The following POLD3 variants were observed in gnomAD, a reference collection of about 807,000 sequenced individuals.
POLD3 encodes DNA polymerase delta subunit 3.
In POLD3, 19 loss-of-function variants were observed where a neutral mutation model predicts 58.2. That is an observed-to-expected ratio of 0.33 (90% CI 0.23 to 0.48). The LOEUF is 0.48. Ranked by LOEUF, POLD3 falls within the 20% of genes least tolerant of loss-of-function variation. The pLI, the probability that POLD3 is intolerant of heterozygous loss-of-function variation, is 0.99. For synonymous variants in POLD3, 172 were observed against 193.5 expected, an observed-to-expected ratio of 0.89 and a Z score of 0.92; for missense variants, 504 against 545.5, an observed-to-expected ratio of 0.92 and a Z score of 0.76.
intron 5 of POLD3, among the ~76,000 whole-genome samples, chr11:74,617,591 G>A (rs528055169): frequency 8.5e-5 from 13 of 152,218 alleles, no homozygotes; most frequent in African/African-American, 2.9e-4. Flanking sequence ...CAGTAGAGAC[G>A]GGGTTTCACC....
At chr11:74,611,589 G>A (rs772795952) in intron 4 of POLD3, 51 bp downstream of exon 4, 1 of 1,019,750 alleles carries the variant, frequency 9.8e-7, no homozygotes, top group Non-Finnish European at 1.5e-6. Context: ...CATCAGTGTA[G>A]GTGCAATAAA....
At chr11:74,613,046 G>A (rs199613234) in intron 5 of POLD3, 36 bp downstream of exon 5, 24 of 1,582,310 alleles carry the variant, frequency 1.5e-5, no homozygotes, top group East Asian at 2.2e-5. Flanking sequence ...GCTTCTTTAC[G>A]AATTGATTTT....
exon 5 of POLD3, chr11:74,668,794 T>C (rs766881539): frequency 7.8e-7 from 1 of 1,288,234 alleles, no homozygotes. Flanking sequence ...GGACATGCAG[T>C]CCCACTCACT....
intron 9 of POLD3, among the ~76,000 whole-genome samples, chr11:74,630,871 C>T (rs2135169151): frequency 6.6e-6 from 1 of 152,174 alleles, no homozygotes; most frequent in East Asian, 1.9e-4. Context: ...TGAAATATTC[C>T]CTATAGTTCT....
At chr11:74,617,074 T>G (rs2032101955) in intron 5 of POLD3, among the ~76,000 whole-genome samples, 1 of 152,194 alleles carries the variant, frequency 6.6e-6, no homozygotes, top group Non-Finnish European at 1.5e-5. Flanking sequence ...TAAGCAAGAC[T>G]GGGAAAAATA....
chr11:74,610,828 G>A (rs2135136296), intron 3 of POLD3, among the ~76,000 whole-genome samples: 1 of 152,098 alleles, frequency 6.6e-6, no homozygotes, highest in South Asian at 2.1e-4. Context: ...AGGCTGGAGT[G>A]CAGTGGCACA....
At chr11:74,599,027 A>G (rs1343383920) in intron 2 of POLD3, among the ~76,000 whole-genome samples, 3 of 152,188 alleles carry the variant, frequency 2.0e-5, no homozygotes, top group Admixed American at 6.5e-5. Context: ...ATGAATACCA[A>G]GCACTATGGT....
At chr11:74,649,443 T>C (rs1696890306) in intron 4 of POLD3, among the ~76,000 whole-genome samples, 1 of 152,138 alleles carries the variant, frequency 6.6e-6, no homozygotes, top group Non-Finnish European at 1.5e-5. Flanking sequence ...TCCAGTGGCG[T>C]GGAGTGTTGT....
At chr11:74,612,437 G>A (rs377066623) in intron 4 of POLD3, among the ~76,000 whole-genome samples, 28 of 152,216 alleles carry the variant, frequency 1.8e-4, no homozygotes, top group East Asian at 7.7e-4. Context: ...TTTCTCTTCC[G>A]TAGACTTATC....
chr11:74,662,017 G>T (rs1281263730), intron 4 of POLD3, among the ~76,000 whole-genome samples: 1 of 152,176 alleles, frequency 6.6e-6, no homozygotes, highest in Non-Finnish European at 1.5e-5. Flanking sequence ...TTCACTTACA[G>T]CCCAAGGGCT....
rs757635268 is a variant in POLD3 at position 74,625,576 on chromosome 11, A to G, written c.899+3A>G. The G allele has an allele frequency of 7.5e-6, 12 of 1,601,216 alleles. No homozygotes were observed. Among genetic ancestry groups the G allele is most frequent in the Admixed American group, 1.8e-5 (1 of 56,366 alleles). The stretch of plus-strand genomic sequence containing the variant: ...GTGCTGCAGAAGGAAAAAAAAAGGT[A>G]GGAAAATTTTGTTGCTTATTGGGGA... On this transcript the variant is annotated splice_donor_region_variant and intron_variant, in intron 8 of 11. Transcript: ENST00000263681.
rs565565708 is a variant in POLD3 at position 74,656,583 on chromosome 11, T to C, written c.370-12194T>C. Among the ~76,000 whole-genome samples the C allele has an allele frequency of 7.6e-4, 105 of 138,546 alleles. 1 individual carries two copies. The highest frequency in any genetic ancestry group is 2.8e-3 in the African/African-American group (99 of 35,996). 90.9% of individuals were successfully genotyped at this position (138,546 alleles called of 152,430 possible). On this transcript the variant is annotated intron_variant, in intron 4 of 4. Coordinates refer to the POLD3 transcript ENST00000524752. ...GCCTGGACGACAGAATGAGACTCCG[T>C]CTCAAAAAAAAAAATTCTTCATTTC...
chr11:74,657,767 T>C (rs1327734490), intron 4 of POLD3, among the ~76,000 whole-genome samples: 1 of 152,238 alleles, frequency 6.6e-6, no homozygotes, highest in Non-Finnish European at 1.5e-5. Context: ...TGATTTTTTA[T>C]TGCTCATTAA....
chr11:74,640,858 C>G lies in POLD3; in HGVS notation c.*92C>G. Reference sequence around the variant, plus strand: ...ACTTACTATGTAAGTTCATCTAGATCTCCACCTCACCTGTATCAAAAGACT... The same window carrying G: ...ACTTACTATGTAAGTTCATCTAGATGTCCACCTCACCTGTATCAAAAGACT... On this transcript the variant is annotated 3_prime_UTR_variant, in exon 12 of 12. Transcript: ENST00000263681. 2.2e-6 allele frequency: 3 copies of G among 1,379,186 alleles called. No individual in the cohort carries two copies. Among genetic ancestry groups the G allele is most frequent in the Non-Finnish European group, 2.8e-6 (3 of 1,062,908 alleles). 85.4% of individuals were successfully genotyped at this position (1,379,186 alleles called of 1,614,324 possible).
intron 11 of POLD3, among the ~76,000 whole-genome samples, chr11:74,637,304 C>T (rs984659337): frequency 3.9e-5 from 6 of 152,064 alleles, no homozygotes; most frequent in African/African-American, 1.4e-4. Context: ...AAGGCCTCTG[C>T]CATTTTAATT....
chr11:74,609,372 A>ATATATATATATATATTTT (rs2031821525), intron 3 of POLD3, among the ~76,000 whole-genome samples: 4 of 27,188 alleles, frequency 1.5e-4, no homozygotes, highest in African/African-American at 7.5e-4. Context: ...ATATATATAT[A>ATATATATATATATATTTT]TTTTTTTTTT....
At chr11:74,638,966 T>G (rs1378219004) in intron 11 of POLD3, among the ~76,000 whole-genome samples, 1 of 152,194 alleles carries the variant, frequency 6.6e-6, no homozygotes, top group Non-Finnish European at 1.5e-5. Context: ...TCTTACAAAA[T>G]TAAAGACAAA....
intron 7 of POLD3, among the ~76,000 whole-genome samples, chr11:74,621,099 C>T (rs776694808): frequency 2.0e-5 from 3 of 152,144 alleles, no homozygotes; most frequent in Non-Finnish European, 4.4e-5. Flanking sequence ...ACTGCAGGCA[C>T]AGTTGGTGCA....
At chr11:74,614,492 C>T (rs1474523113) in intron 5 of POLD3, among the ~76,000 whole-genome samples, 1 of 152,080 alleles carries the variant, frequency 6.6e-6, no homozygotes, top group East Asian at 1.9e-4. Context: ...AGGTGGATCA[C>T]GAGGTCAGGA....
Sources: allele counts gnomAD v4.1 joint callset (sites outside exome capture counted in the v4.1 genomes callset), GRCh38; gene constraint gnomAD v4.1.1; transcripts MANE v1.5; gene names NCBI Gene and HGNC (gene_info 2026-07-23, HGNC 2026-07-21).